KLF12: variants seen among roughly 807,000 people sequenced by gnomAD.
The protein encoded by KLF12 is Krueppel-like factor 12.
Under a neutral mutation model 37.8 loss-of-function variants are expected in KLF12, and 9 were observed. The observed-to-expected ratio is 0.24, with a 90% CI of 0.14 to 0.42. The LOEUF (loss-of-function observed/expected upper bound fraction) is 0.42. KLF12 is among the 10% of genes least tolerant of loss of function. The pLI is 1.00. For missense variants in KLF12, 411 were observed against 516.0 expected, an observed-to-expected ratio of 0.80 and a Z score of 1.97; for synonymous variants, 208 against 202.1, an observed-to-expected ratio of 1.03 and a Z score of -0.25.
At chr13:74,271,104 G>A in the KLF12 span, among the ~76,000 whole-genome samples, 1 of 152,168 alleles carries the variant, frequency 6.6e-6, no homozygotes, top group African/African-American at 2.4e-5. Context: ...ATTGTGAGCT[G>A]CACATGTGAA....
intron 6 of KLF12, among the ~76,000 whole-genome samples, chr13:73,718,123 T>C (rs1374374124): frequency 6.6e-6 from 1 of 152,228 alleles, no homozygotes; most frequent in Non-Finnish European, 1.5e-5. Context: ...GAAGTCTAAA[T>C]GTAACTATGC....
At chr13:73,911,076 CA>C (rs1888546525) in intron 3 of KLF12, among the ~76,000 whole-genome samples, 1 of 151,540 alleles carries the variant, frequency 6.6e-6, no homozygotes, top group Non-Finnish European at 1.5e-5. Context: ...AATGAAGCAA[CA>C]AAAAACAGAC....
chr13:73,870,860 C>T (rs929119266), intron 3 of KLF12, among the ~76,000 whole-genome samples: 1 of 152,124 alleles, frequency 6.6e-6, no homozygotes, highest in African/African-American at 2.4e-5. Flanking sequence ...CTTTTTAATC[C>T]CTTGTTGACT....
chr13:74,265,816 A>G, the KLF12 span, among the ~76,000 whole-genome samples: 1 of 152,228 alleles, frequency 6.6e-6, no homozygotes, highest in Admixed American at 6.5e-5. Flanking sequence ...GGAAAGAACA[A>G]GGATGGAAGT....
chr13:73,738,354 G>C (rs1399918775), intron 6 of KLF12, among the ~76,000 whole-genome samples: 1 of 150,144 alleles, frequency 6.7e-6, no homozygotes, highest in East Asian at 2.0e-4. Flanking sequence ...GTTTCATAAA[G>C]TTGATCAGGC....
the KLF12 span, among the ~76,000 whole-genome samples, chr13:74,145,207 C>T: frequency 6.6e-6 from 1 of 152,200 alleles, no homozygotes; most frequent in South Asian, 2.1e-4. Flanking sequence ...GCAGATGTGA[C>T]CGTCGTATCT....
chr13:73,951,416 A>T (rs1196516054), intron 2 of KLF12, among the ~76,000 whole-genome samples: 2 of 152,216 alleles, frequency 1.3e-5, no homozygotes, highest in Non-Finnish European at 2.9e-5. Context: ...TCTGTCCAAG[A>T]TTATGAAAAT....
At chr13:74,048,716 C>A (rs1364861643) in intron 1 of KLF12, among the ~76,000 whole-genome samples, 1 of 152,100 alleles carries the variant, frequency 6.6e-6, no homozygotes, top group East Asian at 1.9e-4. Flanking sequence ...AAATGGCCAA[C>A]TAGAATATGA....
At chr13:74,201,605 A>C in the KLF12 span, among the ~76,000 whole-genome samples, 3 of 152,100 alleles carry the variant, frequency 2.0e-5, no homozygotes, top group Non-Finnish European at 2.9e-5. Context: ...CTGGATCTAA[A>C]GTTACTTTTG....
In KLF12 at chr13:73,690,623, C is replaced by G. The variant is rs920135138; in HGVS notation, c.*4867G>C. 3 of 152,182 alleles carry G rather than the reference C, an allele frequency of 2.0e-5. No homozygotes were observed. The highest frequency in any genetic ancestry group is 7.2e-5 in the African/African-American group (3 of 41,448). The allele number at this position is 152,182 out of a possible 1,614,324, so 9.4% of individuals were successfully genotyped here. ...AGTGGCCACTCTATTTTGAACAGAA[C>G]ACGAAGAGCATGCTCTGACAAAGTT... On this transcript the variant is annotated 3_prime_UTR_variant, in exon 8 of 8. Transcript: ENST00000377669.
At chr13:74,075,993 C>T (rs1566200607) in intron 1 of KLF12, among the ~76,000 whole-genome samples, 1 of 152,116 alleles carries the variant, frequency 6.6e-6, no homozygotes, top group Non-Finnish European at 1.5e-5. Context: ...CTCTTTACAG[C>T]CAAAAACTGA....
At chr13:73,968,750 C>T (rs1891242586) in intron 2 of KLF12, among the ~76,000 whole-genome samples, 1 of 152,098 alleles carries the variant, frequency 6.6e-6, no homozygotes, top group Admixed American at 6.5e-5. Flanking sequence ...TCTAGAGTCC[C>T]TAACACATGA....
At chr13:74,180,199 T>C in the KLF12 span, among the ~76,000 whole-genome samples, 1 of 152,202 alleles carries the variant, frequency 6.6e-6, no homozygotes, top group African/African-American at 2.4e-5. Flanking sequence ...AGTAGGTGTT[T>C]AGTGTTCTTG....
chr13:74,157,608 C>T, the KLF12 span, among the ~76,000 whole-genome samples: 9 of 152,192 alleles, frequency 5.9e-5, no homozygotes, highest in African/African-American at 2.2e-4. Flanking sequence ...GGTCACCTTA[C>T]AGCCATATTT....
intron 1 of KLF12, among the ~76,000 whole-genome samples, chr13:74,132,700 A>G (rs1376295385): frequency 6.6e-6 from 1 of 152,190 alleles, no homozygotes; most frequent in African/African-American, 2.4e-5. Context: ...CAAAACTCGA[A>G]GCGCAGGGTG....
At chr13:73,967,935 GCTT>G (rs965099987) in intron 2 of KLF12, among the ~76,000 whole-genome samples, 3 of 152,128 alleles carry the variant, frequency 2.0e-5, no homozygotes, top group African/African-American at 7.2e-5. Flanking sequence ...AAACTGCTGT[GCTT>G]CTTGAGTTCT....
At chr13:73,903,954 C>T (rs1888152388) in intron 3 of KLF12, among the ~76,000 whole-genome samples, 1 of 152,104 alleles carries the variant, frequency 6.6e-6, no homozygotes, top group African/African-American at 2.4e-5. Flanking sequence ...GTTCCATTCT[C>T]GGAAAAATTT....
rs528621322 is a variant in KLF12, at chr13:74,006,364, TTC to T, written c.-31-11313_-31-11312del. Among the ~76,000 whole-genome samples the T allele has an allele frequency of 4.3e-3, 658 of 152,248 alleles. 3 individuals are homozygous for T. Among genetic ancestry groups the T allele is most frequent in the African/African-American group, 0.013 (551 of 41,536 alleles). On this transcript the variant is annotated intron_variant, in intron 1 of 7. Transcript: ENST00000377669. The stretch of plus-strand genomic sequence containing the variant: ...AGCCTCCCTAACTTTAACACATGCT[TTC>T]TCTCTGTGTTTGATCTCCTAAAAGT...
At chr13:74,041,542 G>GGGA (rs1369389292) in intron 1 of KLF12, among the ~76,000 whole-genome samples, 1 of 152,112 alleles carries the variant, frequency 6.6e-6, no homozygotes, top group East Asian at 1.9e-4. Flanking sequence ...TTTGATAAGT[G>GGGA]GGAGGATGGG....
Sources: gnomAD v4.1 joint callset for allele counts (sites outside exome capture counted in the v4.1 genomes callset) on GRCh38, gnomAD v4.1.1 for gene constraint, MANE v1.5 for transcripts, NCBI Gene and HGNC (gene_info 2026-07-23, HGNC 2026-07-21) for gene names.